The following MAP3K15 variants were observed in gnomAD, a reference collection of about 807,000 sequenced individuals.
MAP3K15 encodes mitogen-activated protein kinase kinase kinase 15, also known as MAPK/ERK kinase kinase 15.
Under a neutral mutation model 99.5 loss-of-function variants are expected in MAP3K15, and 124 were observed. That is an observed-to-expected ratio of 1.25 (90% CI 1.08 to 1.45). MAP3K15 has a LOEUF of 1.45. Ranked by LOEUF, MAP3K15 falls within the 40% of genes most tolerant of loss-of-function variation. The probability of loss-of-function intolerance (pLI) is 0.00; values close to 1 mark genes in which losing one functional copy is unlikely to be tolerated. For missense variants in MAP3K15, 1,242 were observed against 1,079.7 expected, an observed-to-expected ratio of 1.15 and a Z score of -2.11; for synonymous variants, 494 against 439.6, an observed-to-expected ratio of 1.12 and a Z score of -1.55.
Position 19,362,856 on chromosome X carries a change from TTAA to T in MAP3K15, c.3567-9_3567-7del. The T allele has an allele frequency of 1.0e-6, 1 of 965,935 alleles. No individual in the cohort carries two copies. Among genetic ancestry groups the T allele is most frequent in the Non-Finnish European group, 1.4e-6 (1 of 712,191 alleles). 79.6% of individuals were successfully genotyped at this position (965,935 alleles called of 1,213,427 possible). A position where few individuals can be genotyped will look rare whatever the true frequency, so the allele number is the denominator to read the frequency against. The stretch of plus-strand genomic sequence containing the variant: ...CAACTAGGTGTTCCAAAAGTCTGGT[TTAA>T]AAAAAAAAAAAAAAAGCCATTATCC... On this transcript the variant is annotated splice_region_variant and splice_polypyrimidine_tract_variant and intron_variant, in intron 25 of 28. Transcript: ENST00000338883.
intron 19 of MAP3K15, among the ~76,000 whole-genome samples, chrX:19,376,443 A>AC (rs1487626232): frequency 9.8e-6 from 1 of 101,566 alleles, no homozygotes; most frequent in Admixed American, 1.1e-4. Context: ...CCAAATCTCC[A>AC]CCCCCACCCC....
intron 25 of MAP3K15, among the ~76,000 whole-genome samples, chrX:19,366,086 T>C (rs1460797532): frequency 2.8e-5 from 3 of 107,031 alleles, no homozygotes; most frequent in African/African-American, 1.0e-4. Flanking sequence ...AGTAGAGAGA[T>C]GAGAACACAG....
At chrX:19,472,576 A>T (rs2064215606) in intron 3 of MAP3K15, among the ~76,000 whole-genome samples, 2 of 111,787 alleles carry the variant, frequency 1.8e-5, no homozygotes, top group South Asian at 7.5e-4. Flanking sequence ...ATCCACAGGA[A>T]CAAATGAAAA....
At chrX:19,416,228 G>A (rs1298234163) in intron 9 of MAP3K15, among the ~76,000 whole-genome samples, 1 of 111,287 alleles carries the variant, frequency 9.0e-6, no homozygotes, top group African/African-American at 3.3e-5. Context: ...CTACTTGGGA[G>A]GCTGAGGCAG....
rs771649983 is a variant in MAP3K15, at chrX:19,392,001, C to T, written c.2431+1G>A. The T allele has an allele frequency of 6.7e-6, 8 of 1,196,981 alleles. No individual in the cohort carries two copies. Among genetic ancestry groups the T allele is most frequent in the Non-Finnish European group, 9.1e-6 (8 of 882,581 alleles). Reference sequence around the variant, plus strand: ...CCTGTGCCAAGCTTTGGTCCACTTACCAGTAAAAGTCTCTGTGCAGGGGTT... The same window carrying T: ...CCTGTGCCAAGCTTTGGTCCACTTATCAGTAAAAGTCTCTGTGCAGGGGTT... On this transcript the variant is annotated splice_donor_variant, in intron 18 of 28. Transcript: ENST00000338883. LOFTEE classifies it high-confidence loss of function.
At chrX:19,418,102 C>T (rs1467955945) in intron 9 of MAP3K15, among the ~76,000 whole-genome samples, 4 of 111,647 alleles carry the variant, frequency 3.6e-5, no homozygotes, top group Non-Finnish European at 5.6e-5. Flanking sequence ...AGAAACAGAG[C>T]AGAAAAACTG....
chrX:19,391,891 G>A (rs956707877), intron 18 of MAP3K15, 111 bp downstream of exon 18: 2 of 478,513 alleles, frequency 4.2e-6, no homozygotes, highest in South Asian at 3.2e-5. Context: ...AGTATCAATT[G>A]CTCACTCTGC....
intron 3 of MAP3K15, among the ~76,000 whole-genome samples, chrX:19,471,667 T>C (rs2064208671): frequency 8.9e-6 from 1 of 111,797 alleles, no homozygotes; most frequent in Non-Finnish European, 1.9e-5. Flanking sequence ...TCAGTTAACT[T>C]TGAAAGATAA....
Position 19,512,310 on chromosome X carries a change from T to C in MAP3K15, c.361+2591A>G, listed in dbSNP as rs542457013. ...CAAACCTGCACGTTCAGCACATGTATCCCAGAACTTAAAGTTAAAAATAAA... is the reference window on the plus strand; with the variant it reads ...CAAACCTGCACGTTCAGCACATGTACCCCAGAACTTAAAGTTAAAAATAAA... On this transcript the variant is annotated intron_variant, in intron 1 of 28. Coordinates refer to ENST00000338883, the MANE Select transcript of MAP3K15 (RefSeq NM_001001671.4). 9.0e-5 allele frequency among the ~76,000 whole-genome samples: 10 copies of C among 111,617 alleles called. No homozygotes were observed. The East Asian group carries it at 2.8e-3, about 31-fold the overall frequency.
intron 1 of MAP3K15, among the ~76,000 whole-genome samples, chrX:19,503,189 A>G (rs1309264570): frequency 8.9e-6 from 1 of 111,972 alleles, no homozygotes; most frequent in Non-Finnish European, 1.9e-5. Context: ...TTACTCATCC[A>G]TGTTTACTTA....
intron 1 of MAP3K15, among the ~76,000 whole-genome samples, chrX:19,504,438 A>C (rs1423023072): frequency 9.0e-6 from 1 of 111,378 alleles, no homozygotes; most frequent in Non-Finnish European, 1.9e-5. Flanking sequence ...GTGGAAGAAC[A>C]TATGGATGTT....
chrX:19,444,622 A>C (rs1294217597), intron 6 of MAP3K15, among the ~76,000 whole-genome samples: 1 of 112,136 alleles, frequency 8.9e-6, no homozygotes, highest in Non-Finnish European at 1.9e-5. Context: ...CGAAGTGTAC[A>C]TATTTTAGAT....
intron 6 of MAP3K15, among the ~76,000 whole-genome samples, chrX:19,434,220 A>G (rs913539801): frequency 9.3e-6 from 1 of 107,402 alleles, no homozygotes; most frequent in Non-Finnish European, 1.9e-5. Context: ...TTTCTTGGTA[A>G]TAGGTTTTTT....
At chrX:19,468,536 A>G (rs774827229) in intron 3 of MAP3K15, among the ~76,000 whole-genome samples, 1 of 111,953 alleles carries the variant, frequency 8.9e-6, no homozygotes, top group South Asian at 3.8e-4. Context: ...AGCTGCAACT[A>G]CTGTCATTCC....
chrX:19,455,354 T>C (rs933568642), intron 6 of MAP3K15, among the ~76,000 whole-genome samples: 3 of 105,616 alleles, frequency 2.8e-5, no homozygotes, highest in Non-Finnish European at 5.8e-5. Context: ...TTTCTTTTTT[T>C]TTTTTTTGAA....
intron 1 of MAP3K15, among the ~76,000 whole-genome samples, chrX:19,501,016 A>T (rs1376937589): frequency 8.9e-6 from 1 of 112,025 alleles, no homozygotes; most frequent in African/African-American, 3.2e-5. Context: ...GGAAAGTTCC[A>T]GGCTCAATTC....
chrX:19,460,832 T>C (rs1228099412), intron 4 of MAP3K15, among the ~76,000 whole-genome samples: 7 of 109,937 alleles, frequency 6.4e-5, no homozygotes, highest in Non-Finnish European at 1.9e-5. Flanking sequence ...TGGAGTGCAG[T>C]GGTGCAATCT....
rs34191166 is a variant in MAP3K15, at chrX:19,482,179, C to CAAAAAAAAAAAAAAAAAAAAAAAAAA, written c.525+4302_525+4303insTTTTTTTTTTTTTTTTTTTTTTTTTT. The CAAAAAAAAAAAAAAAAAAAAAAAAAA allele has an allele frequency of 2.9e-4, 9 of 31,463 alleles. 1 individual carries two copies. The highest frequency in any genetic ancestry group is 9.6e-4 in the African/African-American group (9 of 9,381). 2.6% of individuals were successfully genotyped at this position (31,463 alleles called of 1,213,427 possible). ...TGGGCGACAGAGTGAGATTCCAGCT[C>CAAAAAAAAAAAAAAAAAAAAAAAAAA]AAAAAAAAAAAAAAAAAGCCTATAT... is the stretch of plus-strand genomic sequence containing the variant. On this transcript the variant is annotated intron_variant, in intron 3 of 28. Coordinates refer to ENST00000338883, the MANE Select transcript of MAP3K15 (RefSeq NM_001001671.4).
chrX:19,486,481 C>T lies in MAP3K15; in HGVS notation c.525+1G>A. ...AAAATTCTGAAAATGTTAATACTTA[C>T]TGTGTTTTTTTGAGTTACCATGTCC... On this transcript the variant is annotated splice_donor_variant, in intron 3 of 28. Coordinates refer to ENST00000338883, the MANE Select transcript of MAP3K15 (RefSeq NM_001001671.4). LOFTEE classifies it high-confidence loss of function. The T allele has an allele frequency of 1.2e-6, 1 of 839,233 alleles. No individual in the cohort carries two copies. The highest frequency in any genetic ancestry group is 1.6e-6 in the Non-Finnish European group (1 of 615,627). 69.2% of individuals were successfully genotyped at this position (839,233 alleles called of 1,213,427 possible).
Sources: gnomAD v4.1 joint callset for allele counts (sites outside exome capture counted in the v4.1 genomes callset) on GRCh38, gnomAD v4.1.1 for gene constraint, MANE v1.5 for transcripts, NCBI Gene and HGNC (gene_info 2026-07-23, HGNC 2026-07-21) for gene names.